The following MGLL variants were observed in gnomAD, a reference collection of about 807,000 sequenced individuals.
MGLL encodes lysophospholipase homolog.
Under a neutral mutation model 29.1 loss-of-function variants are expected in MGLL, and 7 were observed. The ratio of observed to expected loss-of-function variants is 0.24; its 90% CI spans 0.14 to 0.45. MGLL has a LOEUF of 0.45. MGLL is among the 20% of genes least tolerant of loss of function. The pLI is 0.99. For synonymous variants in MGLL, 148 were observed against 168.3 expected (o/e 0.88, Z 0.93); for missense variants, 356 against 413.6 (o/e 0.86, Z 1.21).
intron 3 of MGLL, chr3:127,736,002 C>T (rs952977880): frequency 2.8e-6 from 4 of 1,419,176 alleles, no homozygotes; most frequent in Non-Finnish European, 3.7e-6. Context: ...CTAAAAGCTC[C>T]CAGGTTTAAC....
intron 3 of MGLL, among the ~76,000 whole-genome samples, chr3:127,728,444 TA>T (rs1230154205): frequency 6.6e-6 from 1 of 152,238 alleles, no homozygotes; most frequent in Non-Finnish European, 1.5e-5. Context: ...GTATGCCACA[TA>T]TCCTACTCTA....
chr3:127,700,997 T>G (rs553372232), intron 6 of MGLL, among the ~76,000 whole-genome samples: 1 of 152,112 alleles, frequency 6.6e-6, no homozygotes, highest in African/African-American at 2.4e-5. Context: ...GGCAGATCAC[T>G]TGGGCCCAGG....
chr3:127,705,394 T>TA (rs111421685), intron 6 of MGLL, among the ~76,000 whole-genome samples: 2,394 of 137,098 alleles, frequency 0.017, 68 homozygotes, highest in African/African-American at 0.059. Flanking sequence ...TAAATTAAAC[T>TA]AAAAAAAAAA....
chr3:127,769,340 G>T (rs2076911027), intron 3 of MGLL, among the ~76,000 whole-genome samples: 1 of 138,128 alleles, frequency 7.2e-6, no homozygotes, highest in Non-Finnish European at 1.5e-5. Flanking sequence ...AACACAGCAA[G>T]ACTCTATCTC....
At chr3:127,703,700 A>G (rs2075543759) in intron 6 of MGLL, among the ~76,000 whole-genome samples, 1 of 152,232 alleles carries the variant, frequency 6.6e-6, no homozygotes, top group Non-Finnish European at 1.5e-5. Flanking sequence ...GATAAACTGG[A>G]CTACATCAGA....
intron 6 of MGLL, among the ~76,000 whole-genome samples, chr3:127,709,706 AGT>A (rs2075672162): frequency 6.6e-6 from 1 of 152,188 alleles, no homozygotes; most frequent in Admixed American, 6.5e-5. Flanking sequence ...GAGGCAGAAG[AGT>A]GGCAAACTTA....
Position 127,781,906 on chromosome 3 carries a change from A to C in MGLL, c.156-11T>G, listed in dbSNP as rs2077132836. The C allele has an allele frequency of 1.2e-6, 2 of 1,613,522 alleles. No homozygotes were observed. Among genetic ancestry groups the C allele is most frequent in the East Asian group, 4.5e-5 (2 of 44,862 alleles). On this transcript the variant is annotated splice_polypyrimidine_tract_variant and intron_variant, in intron 2 of 7. Coordinates refer to ENST00000265052, the MANE Select transcript of MGLL (RefSeq NM_007283.7). ...ACAAAGATGAGGGCCCTGCAGAGAC[A>C]AGAAGGGAGCCTGGTTAGGAAAGCC...
At chr3:127,806,191 G>A (rs1411554870) in intron 2 of MGLL, among the ~76,000 whole-genome samples, 2 of 152,190 alleles carry the variant, frequency 1.3e-5, no homozygotes, top group Non-Finnish European at 2.9e-5. Context: ...AAATCACCCG[G>A]TCTAGACTCC....
chr3:127,735,842 C>T (rs1175182061), intron 3 of MGLL: 6 of 1,597,658 alleles, frequency 3.8e-6, no homozygotes, highest in Non-Finnish European at 3.4e-6. Context: ...GAAGATCCTT[C>T]TGAATCTAGT....
intron 7 of MGLL, among the ~76,000 whole-genome samples, chr3:127,694,489 C>T (rs1168932315): frequency 1.3e-5 from 2 of 151,896 alleles, no homozygotes; most frequent in Admixed American, 1.3e-4. Context: ...TCCTCAGGGC[C>T]CCTGTCTGCA....
At chr3:127,720,331 T>C (rs2107620926) in intron 5 of MGLL, among the ~76,000 whole-genome samples, 1 of 152,308 alleles carries the variant, frequency 6.6e-6, no homozygotes, top group East Asian at 1.9e-4. Flanking sequence ...ACTGCGGCTA[T>C]GTATCTACCT....
chr3:127,799,802 T>C (rs975377180), intron 2 of MGLL, among the ~76,000 whole-genome samples: 5 of 152,246 alleles, frequency 3.3e-5, no homozygotes, highest in Admixed American at 6.5e-5. Flanking sequence ...CATATGATCA[T>C]GAATGCATTT....
At chr3:127,720,684 C>T (rs2075901000) in intron 5 of MGLL, among the ~76,000 whole-genome samples, 1 of 152,256 alleles carries the variant, frequency 6.6e-6, no homozygotes, top group Non-Finnish European at 1.5e-5. Flanking sequence ...GTTCCACTCA[C>T]TGTTCACTTT....
intron 2 of MGLL, among the ~76,000 whole-genome samples, chr3:127,819,621 TG>T (rs1014544300): frequency 1.3e-5 from 2 of 152,056 alleles, no homozygotes; most frequent in African/African-American, 2.4e-5. Context: ...GTAAAAAGCC[TG>T]GGGGGAAAGA....
intron 3 of MGLL, among the ~76,000 whole-genome samples, chr3:127,769,361 A>AG (rs869301199): frequency 6.0e-4 from 1 of 1,670 alleles, no homozygotes; most frequent in Admixed American, 0.036. Context: ...AAAAAAAAAG[A>AG]AAAAAAAAAG....
rs529221358 is a variant in MGLL, at chr3:127,740,432, T to C, written c.263-17866A>G. ...TGGAATCATAGAGTATCTGTCCATATCAGTTCCAGTTTTAAAAAGTCTGAG... is the reference window on the plus strand; with the variant it reads ...TGGAATCATAGAGTATCTGTCCATACCAGTTCCAGTTTTAAAAAGTCTGAG... On this transcript the variant is annotated intron_variant, in intron 3 of 7. Coordinates refer to ENST00000265052, the MANE Select transcript of MGLL (RefSeq NM_007283.7). Among the ~76,000 whole-genome samples the C allele has an allele frequency of 7.5e-4, 114 of 151,968 alleles. 2 individuals carry two copies. In the South Asian group the frequency reaches 0.022, roughly 30 times the overall value.
chr3:127,806,619 G>A (rs922510428), intron 2 of MGLL, among the ~76,000 whole-genome samples: 2 of 152,062 alleles, frequency 1.3e-5, no homozygotes, highest in Non-Finnish European at 2.9e-5. Flanking sequence ...GTAGATGTAT[G>A]GGTGGGTGGA....
At chr3:127,815,200 T>C (rs1388101239) in intron 2 of MGLL, among the ~76,000 whole-genome samples, 1 of 152,218 alleles carries the variant, frequency 6.6e-6, no homozygotes, top group Non-Finnish European at 1.5e-5. Context: ...CTCCTTCTCC[T>C]CACTCCCCTC....
Position 127,821,675 on chromosome 3 carries a change from C to T in MGLL, c.155+19G>A. 1.2e-6 allele frequency: 2 copies of T among 1,613,920 alleles called. No homozygotes were observed. Among genetic ancestry groups the T allele is most frequent in the Non-Finnish European group, 1.7e-6 (2 of 1,179,808 alleles). On this transcript the variant is annotated intron_variant, in intron 2 of 7. Transcript: ENST00000265052. ...CATGCTCCCCTGTCACCTGGGGTGA[C>T]TTTCTGGGGAAGACTTACTTGGGTG...
Sources: allele counts gnomAD v4.1 joint callset (sites outside exome capture counted in the v4.1 genomes callset), GRCh38; gene constraint gnomAD v4.1.1; transcripts MANE v1.5; gene names NCBI Gene and HGNC (gene_info 2026-07-23, HGNC 2026-07-21).